PFDN4: variants seen among roughly 807,000 people sequenced by gnomAD.
PFDN4 encodes the protein prefoldin subunit 4, also known as prefoldin 4.
PFDN4 carries 6 observed loss-of-function variants against 17.6 expected under a neutral mutation model. The ratio of observed to expected loss-of-function variants is 0.34; its 90% confidence interval spans 0.19 to 0.67. The LOEUF (loss-of-function observed/expected upper bound fraction) is 0.67, where lower values mean the gene tolerates loss of function less well. Ranked by LOEUF, PFDN4 falls within the 30% of genes least tolerant of loss-of-function variation. PFDN4 has a pLI of 0.68. For synonymous variants in PFDN4, 48 were observed against 51.1 expected (o/e 0.94, Z 0.26); for missense variants, 119 against 158.4 (o/e 0.75, Z 1.33).
chr20:54,217,238 A>G (rs920370158), intron 3 of PFDN4, among the ~76,000 whole-genome samples: 2 of 150,848 alleles, frequency 1.3e-5, no homozygotes, highest in Non-Finnish European at 3.0e-5. Flanking sequence ...AGGGAAAGTG[A>G]TGGGATAACA....
intron 3 of PFDN4, among the ~76,000 whole-genome samples, chr20:54,216,696 G>A (rs752409647): frequency 4.0e-5 from 6 of 151,506 alleles, no homozygotes; most frequent in East Asian, 1.9e-4. Context: ...TTGCCCTGTC[G>A]CCCAGGCTGG....
chr20:54,215,803 A>T (rs961272348), intron 3 of PFDN4, among the ~76,000 whole-genome samples: 3 of 152,256 alleles, frequency 2.0e-5, no homozygotes, highest in Non-Finnish European at 4.4e-5. Context: ...GTAACCATTC[A>T]TAGTGAACAT....
intron 1 of PFDN4, among the ~76,000 whole-genome samples, chr20:54,210,557 C>G (rs2092754423): frequency 1.3e-5 from 2 of 152,180 alleles, no homozygotes; most frequent in Admixed American, 1.3e-4. Flanking sequence ...ATTCAGTCCT[C>G]TCCTCTCTAG....
chr20:54,215,771 C>A, intron 3 of PFDN4, among the ~76,000 whole-genome samples: 1 of 152,190 alleles, frequency 6.6e-6, no homozygotes, highest in East Asian at 1.9e-4. Flanking sequence ...AGAAAAATCC[C>A]CTGTAATTCT....
intron 1 of PFDN4, among the ~76,000 whole-genome samples, chr20:54,209,764 C>CT (rs1275487095): frequency 2.0e-5 from 3 of 151,824 alleles, no homozygotes; most frequent in African/African-American, 4.8e-5. Context: ...TAATTACCAA[C>CT]TTTTTTTTTC....
intron 1 of PFDN4, among the ~76,000 whole-genome samples, chr20:54,210,902 A>T (rs1477498274): frequency 1.3e-5 from 2 of 152,230 alleles, no homozygotes; most frequent in African/African-American, 4.8e-5. Flanking sequence ...ATTGTTAAAT[A>T]AACTACTGCA....
chr20:54,217,685 G>A (rs913470509), intron 3 of PFDN4, among the ~76,000 whole-genome samples: 1 of 152,114 alleles, frequency 6.6e-6, no homozygotes, highest in Non-Finnish European at 1.5e-5. Context: ...AGAGATTTTT[G>A]GAAAAGAGAG....
chr20:54,209,247 T>G (rs1198436678), intron 1 of PFDN4, among the ~76,000 whole-genome samples: 2 of 152,212 alleles, frequency 1.3e-5, no homozygotes, highest in Non-Finnish European at 2.9e-5. Flanking sequence ...GTCTGTGTTT[T>G]AAACTGCTAT....
intron 1 of PFDN4, among the ~76,000 whole-genome samples, chr20:54,212,648 C>A (rs771229255): frequency 1.3e-5 from 2 of 152,258 alleles, no homozygotes; most frequent in African/African-American, 2.4e-5. Context: ...GTGAATGGCT[C>A]TGTTGAGCCC....
intron 1 of PFDN4, among the ~76,000 whole-genome samples, chr20:54,212,983 T>C (rs1297991180): frequency 2.0e-5 from 3 of 152,248 alleles, no homozygotes; most frequent in African/African-American, 4.8e-5. Flanking sequence ...CATGTGAAAT[T>C]GTTTCTTGGA....
intron 1 of PFDN4, 36 bp from the exon 2 acceptor site, chr20:54,214,315 G>A (rs370754412): frequency 2.1e-5 from 24 of 1,153,222 alleles, no homozygotes; most frequent in South Asian, 1.5e-4. Context: ...TAACTTCTCC[G>A]TTAAAATTTT....
chr20:54,209,257 T>C (rs2092752576), intron 1 of PFDN4, among the ~76,000 whole-genome samples: 1 of 152,200 alleles, frequency 6.6e-6, no homozygotes, highest in African/African-American at 2.4e-5. Context: ...TAAACTGCTA[T>C]AGGGGGTCTT....
intron 3 of PFDN4, among the ~76,000 whole-genome samples, chr20:54,215,988 C>T (rs960949165): frequency 2.6e-5 from 4 of 152,144 alleles, no homozygotes; most frequent in South Asian, 4.1e-4. Flanking sequence ...TTAAAAACAT[C>T]GTTTTTGAAG....
intron 1 of PFDN4, among the ~76,000 whole-genome samples, chr20:54,213,459 C>T (rs184057069): frequency 4.5e-4 from 68 of 152,208 alleles, no homozygotes; most frequent in Non-Finnish European, 8.8e-5. Flanking sequence ...ATTCAGTTAC[C>T]GAGAACTCAT....
chr20:54,214,598 A>T (rs2092760181), intron 2 of PFDN4, 140 bp downstream of exon 2: 1 of 516,742 alleles, frequency 1.9e-6, no homozygotes, highest in Non-Finnish European at 3.5e-6. Context: ...TTAAGCAGAA[A>T]GTCATTTTTT....
rs2092759793 is a variant in PFDN4, at chr20:54,214,338, A to T, written c.25-13A>T. 7 of 1,459,864 alleles carry T rather than the reference A, an allele frequency of 4.8e-6. No homozygotes were observed. The highest frequency in any genetic ancestry group is 5.7e-6 in the Non-Finnish European group (6 of 1,058,438). The allele number at this position is 1,459,864 out of a possible 1,614,324, so 90.4% of individuals were successfully genotyped here. On this transcript the variant is annotated splice_polypyrimidine_tract_variant and intron_variant, in intron 1 of 3. Transcript: ENST00000371419. Reference sequence around the variant, plus strand: ...CCGTTAAAATTTTACAAAAACTTAAACACTTCTTTCAGGCTGCAGAAGATG... The same window carrying T: ...CCGTTAAAATTTTACAAAAACTTAATCACTTCTTTCAGGCTGCAGAAGATG...
chr20:54,209,097 A>G (rs1363757799), intron 1 of PFDN4, among the ~76,000 whole-genome samples: 1 of 152,210 alleles, frequency 6.6e-6, no homozygotes, highest in Non-Finnish European at 1.5e-5. Flanking sequence ...ACAGTGTGCT[A>G]GGTACAGCTG....
At position 54,208,113 on chromosome 20, in the gene PFDN4, A is replaced by C. The variant is rs563719855; in HGVS notation, c.13A>C (p.Met5Leu). 1.0e-5 allele frequency: 16 copies of C among 1,557,200 alleles called. No individual in the cohort carries two copies. Residue 5 changes from methionine (M) to leucine (L), a missense_variant, in exon 1 of 4, where the codon ATG (methionine) becomes CTG (leucine). Around this residue, in one of 3 missense-constraint regions of PFDN4, gnomAD observed 29 missense variants for 18.9 expected, o/e 1.54. Coordinates refer to ENST00000371419, the MANE Select transcript of PFDN4 (RefSeq NM_002623.4). MAAT[M>L]KKAAAEDVNV... is the part of the protein sequence containing the mutation. ...GTCCAGTCCCAAGATGGCGGCCACC[A>C]TGAAGAAGGCGGTGAGTGGGGAGCT... is the stretch of plus-strand genomic sequence containing the variant.
At chr20:54,217,767 T>A (rs1047369214) in intron 3 of PFDN4, among the ~76,000 whole-genome samples, 1 of 152,210 alleles carries the variant, frequency 6.6e-6, no homozygotes, top group African/African-American at 2.4e-5. Context: ...GTTTTCTCGG[T>A]ATAGAAATTT....
Sources: gnomAD v4.1 joint callset for allele counts (sites outside exome capture counted in the v4.1 genomes callset) on GRCh38, gnomAD v4.1.1 for gene constraint, gnomAD v4.1.1 regional missense constraint, MANE v1.5 for transcripts, NCBI Gene and HGNC (gene_info 2026-07-23, HGNC 2026-07-21) for gene names.